The following ANO2 variants were observed in gnomAD, a reference collection of about 807,000 sequenced individuals.
The protein encoded by ANO2 is anoctamin-2.
In ANO2, 101 loss-of-function variants were observed where a neutral mutation model predicts 124.2. The observed-to-expected ratio is 0.81, with a 90% CI of 0.69 to 0.96. The LOEUF (loss-of-function observed/expected upper bound fraction) is 0.96. Ranked by LOEUF, ANO2 falls within the 40% of genes least tolerant of loss-of-function variation. The pLI is 0.00. For missense variants in ANO2, 1,293 were observed against 1,274.5 expected (o/e 1.01, Z -0.22); for synonymous variants, 486 against 482.5 (o/e 1.01, Z -0.09).
intron 7 of ANO2, among the ~76,000 whole-genome samples, chr12:5,819,081 C>T (rs1953703186): frequency 6.6e-6 from 1 of 152,114 alleles, no homozygotes; most frequent in African/African-American, 2.4e-5. Flanking sequence ...ACAGCCTCTC[C>T]AGGTATCTAC....
chr12:5,815,689 T>G (rs1422142937), intron 7 of ANO2, among the ~76,000 whole-genome samples: 9 of 152,198 alleles, frequency 5.9e-5, no homozygotes, highest in African/African-American at 1.7e-4. Context: ...GACATTATGG[T>G]TTGCATATGT....
intron 7 of ANO2, among the ~76,000 whole-genome samples, chr12:5,826,367 T>C (rs1953953181): frequency 6.6e-6 from 1 of 150,946 alleles, no homozygotes; most frequent in East Asian, 2.0e-4. Context: ...CTATTGATCC[T>C]GGGTGTGTCT....
intron 3 of ANO2, among the ~76,000 whole-genome samples, chr12:5,887,792 A>G (rs1390348390): frequency 6.6e-6 from 1 of 151,558 alleles, no homozygotes; most frequent in Non-Finnish European, 1.5e-5. Flanking sequence ...TGCCCCTCAC[A>G]TAAGCTCTAT....
chr12:5,937,077 A>C (rs752276337), intron 1 of ANO2, among the ~76,000 whole-genome samples: 1 of 152,116 alleles, frequency 6.6e-6, no homozygotes, highest in South Asian at 2.1e-4. Context: ...GTATATACCC[A>C]GAATAGGAAT....
In ANO2 at chr12:5,863,859, C is replaced by T. The variant is rs192400087; in HGVS notation, c.535-9718G>A. On this transcript the variant is annotated intron_variant, in intron 3 of 24. Coordinates refer to ENST00000682330, the MANE Select transcript of ANO2 (RefSeq NM_001364791.2). ...TGTTAAATAAACATTATTTACTTAA[C>T]AATATGTTATATATTCGTTAGCTTT... Among the ~76,000 whole-genome samples, 9 of 152,102 alleles carry T rather than the reference C, an allele frequency of 5.9e-5. No homozygotes were observed. The East Asian group carries it at 1.7e-3, about 29-fold the overall frequency.
In ANO2 at chr12:5,832,499, G is replaced by C; in HGVS notation, c.738C>G (p.Asn246Lys). The part of the protein sequence containing the change: ...LQPRVPEHSN[N>K]KMKNLSYPFS... ...ATGGGTAGGAGAGGTTTTTCATCTT[G>C]TTGTTGCTGTGTTCTGGAACTCGGG... The change falls in exon 5 of 25, where the codon AAC (asparagine) becomes AAG (lysine). Residue 246 changes from asparagine to lysine, a missense_variant. Asn to Lys is a moderately conservative substitution (Grantham distance 94). Coordinates refer to ENST00000682330, the MANE Select transcript of ANO2 (RefSeq NM_001364791.2). 1 of 1,613,862 alleles carries C rather than the reference G, an allele frequency of 6.2e-7. No individual in the cohort carries two copies.
At chr12:5,774,790 G>A (rs1952180220) in intron 10 of ANO2, among the ~76,000 whole-genome samples, 2 of 152,114 alleles carry the variant, frequency 1.3e-5, no homozygotes, top group Non-Finnish European at 2.9e-5. Context: ...TCATCCATGT[G>A]AAATTTCAAC....
chr12:5,771,369 T>C (rs1275831905), intron 10 of ANO2, among the ~76,000 whole-genome samples: 2 of 152,252 alleles, frequency 1.3e-5, no homozygotes, highest in African/African-American at 2.4e-5. Context: ...CCATGACATG[T>C]GTCTTTTAAG....
chr12:5,795,737 G>A (rs895658868), intron 10 of ANO2, among the ~76,000 whole-genome samples: 1 of 152,184 alleles, frequency 6.6e-6, no homozygotes, highest in Non-Finnish European at 1.5e-5. Flanking sequence ...CAGCCTGGGA[G>A]CAGATATTAA....
intron 14 of ANO2, among the ~76,000 whole-genome samples, chr12:5,662,463 A>T (rs1323904551): frequency 6.6e-6 from 1 of 152,250 alleles, no homozygotes; most frequent in Non-Finnish European, 1.5e-5. Context: ...CACATGCACA[A>T]TAATGAGTCT....
intron 7 of ANO2, among the ~76,000 whole-genome samples, chr12:5,819,039 C>T (rs1330414722): frequency 2.6e-5 from 4 of 152,158 alleles, no homozygotes; most frequent in East Asian, 1.9e-4. Flanking sequence ...TCTTATCATG[C>T]GAGTGGCTGA....
Position 5,732,761 on chromosome 12 carries a change from C to T in ANO2, c.1435-131G>A, listed in dbSNP as rs1346660070. ...TGCTATTGGATATGAACTGCCCCAC[C>T]ACACACAATCACAAGGCATCTAGAC... On this transcript the variant is annotated intron_variant, in intron 13 of 24. Transcript: ENST00000682330. The T allele has an allele frequency of 5.1e-6, 8 of 1,556,706 alleles. No homozygotes were observed. In the African/African-American group the frequency reaches 9.5e-5, roughly 19 times the overall value.
At chr12:5,820,146 T>C (rs923822745) in intron 7 of ANO2, among the ~76,000 whole-genome samples, 6 of 152,142 alleles carry the variant, frequency 3.9e-5, no homozygotes, top group African/African-American at 4.8e-5. Flanking sequence ...AACCCCTTGA[T>C]TGAAGGGGAG....
chr12:5,672,285 A>G (rs547626570), intron 14 of ANO2, among the ~76,000 whole-genome samples: 1 of 152,332 alleles, frequency 6.6e-6, no homozygotes, highest in Admixed American at 6.5e-5. Flanking sequence ...CCCTGGAAAA[A>G]AAGTCAAAAC....
At chr12:5,695,420 A>T (rs568571198) in intron 14 of ANO2, among the ~76,000 whole-genome samples, 1 of 152,248 alleles carries the variant, frequency 6.6e-6, no homozygotes, top group African/African-American at 2.4e-5. Context: ...AGCAAATCTC[A>T]AAAGTACCAA....
chr12:5,843,832 T>C (rs1304333458), intron 4 of ANO2, among the ~76,000 whole-genome samples: 1 of 152,202 alleles, frequency 6.6e-6, no homozygotes, highest in Non-Finnish European at 1.5e-5. Flanking sequence ...TTAATCAACC[T>C]GGTGTTTATT....
At chr12:5,595,437 C>T (rs994964390) in intron 20 of ANO2, among the ~76,000 whole-genome samples, 1 of 151,496 alleles carries the variant, frequency 6.6e-6, no homozygotes, top group Non-Finnish European at 1.5e-5. Context: ...TGCTCAGGCT[C>T]ATCTTGAGCT....
intron 6 of ANO2, among the ~76,000 whole-genome samples, chr12:5,830,026 A>C (rs1024637612): frequency 1.4e-4 from 22 of 152,178 alleles, no homozygotes; most frequent in African/African-American, 5.3e-4. Context: ...CAACAATCAG[A>C]AGGACTAGTT....
chr12:5,870,212 C>A (rs1173169095), intron 3 of ANO2: 1 of 152,232 alleles, frequency 6.6e-6, no homozygotes, highest in Non-Finnish European at 1.5e-5. Flanking sequence ...GTTCATTACA[C>A]CCCAAGCCAA....
Sources: gnomAD v4.1 joint callset for allele counts (sites outside exome capture counted in the v4.1 genomes callset) on GRCh38, gnomAD v4.1.1 for gene constraint, MANE v1.5 for transcripts, NCBI Gene and HGNC (gene_info 2026-07-23, HGNC 2026-07-21) for gene names.